MYT1L: variants seen among roughly 807,000 people sequenced by gnomAD.
The protein encoded by MYT1L is myelin transcription factor 1 like.
Under a neutral mutation model 126.7 loss-of-function variants are expected in MYT1L, and 12 were observed. The observed-to-expected ratio is 0.09, with a 90% CI of 0.06 to 0.15. The LOEUF is 0.15. Ranked by LOEUF, MYT1L falls within the 10% of genes least tolerant of loss-of-function variation. The probability of loss-of-function intolerance (pLI) is 1.00; values close to 1 mark genes in which losing one functional copy is unlikely to be tolerated. For synonymous variants in MYT1L, 541 were observed against 604.2 expected (o/e 0.90, Z 1.53); for missense variants, 979 against 1,585.2 (o/e 0.62, Z 6.49).
At chr2:1,849,282 T>C (rs1167506402) in intron 19 of MYT1L, among the ~76,000 whole-genome samples, 1 of 152,178 alleles carries the variant, frequency 6.6e-6, no homozygotes, top group African/African-American at 2.4e-5. Context: ...AGACATCGCT[T>C]TTCTAAGATG....
intron 3 of MYT1L, among the ~76,000 whole-genome samples, chr2:2,158,689 CACAA>C (rs985598043): frequency 7.4e-5 from 11 of 149,122 alleles, no homozygotes; most frequent in Admixed American, 6.6e-5. Flanking sequence ...CATACAGATG[CACAA>C]ACATTCAAGT....
At position 1,791,731 on chromosome 2, in the gene MYT1L, C is replaced by T; in HGVS notation, c.*136G>A. The T allele has an allele frequency of 1.2e-6, 1 of 864,706 alleles. No individual in the cohort carries two copies. The highest frequency in any genetic ancestry group is 2.7e-5 in the East Asian group (1 of 37,646). The allele number at this position is 864,706 out of a possible 1,614,324, so 53.6% of individuals were successfully genotyped here. On this transcript the variant is annotated 3_prime_UTR_variant, in exon 25 of 25. Transcript: ENST00000647738. The surrounding 1 kb of genome is among the most constrained non-coding windows in gnomAD (Gnocchi z 6.0). ...CTATCTTTAAAGCAAGACATAAAAT[C>T]ATTATGAAGTCTTGTAAGCATAACA...
In MYT1L at chr2:1,996,518, G is replaced by T. The variant is rs543391546; in HGVS notation, c.-1+673C>A. Among the ~76,000 whole-genome samples, 721 of 143,570 alleles carry T rather than the reference G, an allele frequency of 5.0e-3. 2 individuals carry two copies. Among genetic ancestry groups the T allele is most frequent in the African/African-American group, 0.018 (678 of 38,570 alleles). 94.2% of individuals were successfully genotyped at this position (143,570 alleles called of 152,430 possible). A position where few individuals can be genotyped will look rare whatever the true frequency, so the allele number is the denominator to read the frequency against. ...TGTAGACGGGCCGCCTTTACCTAGT[G>T]AGTGAGGGCCGCCCTGCCTCAGTGT... On this transcript the variant is annotated intron_variant, in intron 5 of 24. Transcript: ENST00000647738.
rs145179624 is a variant in MYT1L at position 2,198,508 on chromosome 2, G to A, written c.-420-25520C>T. Among the ~76,000 whole-genome samples the A allele has an allele frequency of 1.6e-4, 24 of 152,124 alleles. 2 individuals are homozygous for A. The highest frequency in any genetic ancestry group is 1.4e-3 in the East Asian group (7 of 5,180). ...TTCCATCATGATACTATGTATATAC[G>A]CATTGACACATCACACTGTATTCCA... On this transcript the variant is annotated intron_variant, in intron 2 of 24. Coordinates refer to ENST00000647738, the MANE Select transcript of MYT1L (RefSeq NM_001303052.2).
chr2:2,004,769 T>C (rs551361328), intron 4 of MYT1L, among the ~76,000 whole-genome samples: 1 of 149,318 alleles, frequency 6.7e-6, no homozygotes, highest in Non-Finnish European at 1.5e-5. Flanking sequence ...CCTGAATACG[T>C]TCTTTCCTGC....
At chr2:2,031,795 T>C (rs2066308343) in intron 4 of MYT1L, among the ~76,000 whole-genome samples, 4 of 138,110 alleles carry the variant, frequency 2.9e-5, no homozygotes, top group African/African-American at 8.4e-5. Context: ...GTGCCTCTCA[T>C]CCTGTGGCCC....
chr2:2,280,327 C>A (rs535229238), intron 2 of MYT1L, among the ~76,000 whole-genome samples: 38 of 152,254 alleles, frequency 2.5e-4, no homozygotes, highest in Non-Finnish European at 1.2e-4. Context: ...TGATTTGTTG[C>A]CATTGCTTTA....
rs201584165 is a variant in MYT1L, at chr2:2,241,299, C to T, written c.-421+43105G>A. 8.0e-5 allele frequency among the ~76,000 whole-genome samples: 12 copies of T among 149,444 alleles called. No individual in the cohort carries two copies. The East Asian group carries it at 1.6e-3, about 20-fold the overall frequency. ...TTTGTGTGTGTGTGTGTGTGTGATA[C>T]ATCCACCACAAAACAGAAATAATCA... On this transcript the variant is annotated intron_variant, in intron 2 of 24. Coordinates refer to ENST00000647738, the MANE Select transcript of MYT1L (RefSeq NM_001303052.2).
At chr2:1,959,589 A>G (rs1003370809) in intron 8 of MYT1L, among the ~76,000 whole-genome samples, 3 of 152,152 alleles carry the variant, frequency 2.0e-5, no homozygotes, top group Non-Finnish European at 2.9e-5. Context: ...TCAATTCTAT[A>G]GCTCCTTCAA....
rs959966295 is a variant in MYT1L at position 1,806,372 on chromosome 2, G to A, written c.3172+2704C>T. ...TTTGTCCTAAAACTTAGCACAACAC[G>A]AACTGTGTGTCTAGAAACTTGGGTG... On this transcript the variant is annotated intron_variant, in intron 22 of 24. Coordinates refer to ENST00000647738, the MANE Select transcript of MYT1L (RefSeq NM_001303052.2). The surrounding 1 kb of genome is among the most constrained non-coding windows in gnomAD (Gnocchi z 4.9). Among the ~76,000 whole-genome samples the A allele has an allele frequency of 3.3e-5, 5 of 152,150 alleles. No individual in the cohort carries two copies. Among genetic ancestry groups the A allele is most frequent in the African/African-American group, 1.2e-4 (5 of 41,422 alleles).
chr2:2,095,440 G>C (rs75779500), intron 3 of MYT1L, among the ~76,000 whole-genome samples: 4,243 of 152,268 alleles, frequency 0.028, 81 homozygotes, highest in South Asian at 0.089. Context: ...AAGGACTGTG[G>C]CGTCATAAGA....
At chr2:2,143,897 T>G (rs1421356678) in intron 3 of MYT1L, among the ~76,000 whole-genome samples, 1 of 133,508 alleles carries the variant, frequency 7.5e-6, no homozygotes, top group African/African-American at 2.9e-5. Flanking sequence ...CACTTATAAG[T>G]GGGAATGAAA....
chr2:1,845,112 G>A (rs2042323865), intron 19 of MYT1L, among the ~76,000 whole-genome samples: 1 of 152,040 alleles, frequency 6.6e-6, no homozygotes, highest in African/African-American at 2.4e-5. Context: ...CTGAGTAGCT[G>A]GGATTACAGA....
intron 4 of MYT1L, among the ~76,000 whole-genome samples, chr2:2,025,627 G>T (rs961723763): frequency 6.6e-6 from 1 of 152,114 alleles, no homozygotes; most frequent in African/African-American, 2.4e-5. Flanking sequence ...TTTAAGCTGG[G>T]ACATCAATAC....
chr2:1,916,392 G>A (rs1242775864), intron 11 of MYT1L, among the ~76,000 whole-genome samples: 1 of 152,008 alleles, frequency 6.6e-6, no homozygotes, highest in Admixed American at 6.6e-5. Context: ...AGACAGTAAG[G>A]GAAACTCTTC....
intron 5 of MYT1L, among the ~76,000 whole-genome samples, chr2:1,990,329 C>G (rs2061363091): frequency 6.6e-6 from 1 of 152,216 alleles, no homozygotes; most frequent in African/African-American, 2.4e-5. Flanking sequence ...GTGCACACTT[C>G]CTGAGGGTGA....
chr2:1,914,807 G>A lies in MYT1L; in HGVS notation c.1618+2398C>T, dbSNP rs573876159. Among the ~76,000 whole-genome samples, 73 of 152,288 alleles carry A rather than the reference G, an allele frequency of 4.8e-4. 1 individual carries two copies. Among genetic ancestry groups the A allele is most frequent in the African/African-American group, 6.3e-4 (26 of 41,558 alleles). Reference sequence around the variant, plus strand: ...CTGCCCGCCTATCTCTGGATGTTTCGTGAATCTGCCCCAGCTTTTCCATTC... The same window carrying A: ...CTGCCCGCCTATCTCTGGATGTTTCATGAATCTGCCCCAGCTTTTCCATTC... On this transcript the variant is annotated intron_variant, in intron 11 of 24. Coordinates refer to ENST00000647738, the MANE Select transcript of MYT1L (RefSeq NM_001303052.2).
intron 19 of MYT1L, chr2:1,842,692 T>A (rs1375615299): frequency 6.6e-6 from 1 of 152,428 alleles, no homozygotes; most frequent in Non-Finnish European, 1.5e-5. Context: ...TGACCTCACG[T>A]CCACCCCTGC....
At chr2:2,072,329 T>G (rs1423720345) in intron 3 of MYT1L, among the ~76,000 whole-genome samples, 1 of 152,222 alleles carries the variant, frequency 6.6e-6, no homozygotes, top group East Asian at 1.9e-4. Context: ...TGCTGAGCAC[T>G]TCAATGAATT....
Sources: allele counts gnomAD v4.1 joint callset (sites outside exome capture counted in the v4.1 genomes callset), GRCh38; gene constraint gnomAD v4.1.1; non-coding constraint Gnocchi (gnomAD v3.1); transcripts MANE v1.5; gene names NCBI Gene and HGNC (gene_info 2026-07-23, HGNC 2026-07-21).